Variants in CNTNAP5 observed in about 807,000 individuals in gnomAD.
CNTNAP5 encodes the protein contactin associated protein family member 5.
A neutral mutation model predicts 150.2 loss-of-function variants in CNTNAP5; 72 were observed. That is an observed-to-expected ratio of 0.48 (90% CI 0.40 to 0.58). The LOEUF (loss-of-function observed/expected upper bound fraction) is 0.58, where lower values mean the gene tolerates loss of function less well. Ranked by LOEUF, CNTNAP5 falls within the 20% of genes least tolerant of loss-of-function variation. The pLI is 0.00. For missense variants in CNTNAP5, 1,636 were observed against 1,626.2 expected, an observed-to-expected ratio of 1.01 and a Z score of -0.10; for synonymous variants, 672 against 619.8, an observed-to-expected ratio of 1.08 and a Z score of -1.25.
At chr2:124,659,173 T>G (rs1001791355) in intron 13 of CNTNAP5, among the ~76,000 whole-genome samples, 1 of 152,216 alleles carries the variant, frequency 6.6e-6, no homozygotes, top group Non-Finnish European at 1.5e-5. Context: ...TCTTCATAAC[T>G]TTTTAGTTTA....
chr2:124,535,559 C>T (rs559928288), intron 10 of CNTNAP5, among the ~76,000 whole-genome samples: 3 of 146,372 alleles, frequency 2.0e-5, no homozygotes, highest in South Asian at 2.1e-4. Flanking sequence ...GTCAGGACAT[C>T]GAGACCATCC....
chr2:124,869,957 C>T (rs1384401087), intron 21 of CNTNAP5, among the ~76,000 whole-genome samples, 195 bp downstream of exon 21: 1 of 152,054 alleles, frequency 6.6e-6, no homozygotes, highest in East Asian at 1.9e-4. Context: ...TTTCTATCTA[C>T]TTTATAAAAA....
At chr2:124,718,208 T>C (rs768192583) in intron 13 of CNTNAP5, among the ~76,000 whole-genome samples, 5 of 152,128 alleles carry the variant, frequency 3.3e-5, no homozygotes, top group Non-Finnish European at 5.9e-5. Flanking sequence ...ATAAAAAATA[T>C]AAAAATACAA....
chr2:124,688,648 A>G (rs1430390811), intron 13 of CNTNAP5, among the ~76,000 whole-genome samples: 4 of 152,124 alleles, frequency 2.6e-5, no homozygotes, highest in Non-Finnish European at 5.9e-5. Flanking sequence ...ACTCGGGGAC[A>G]TGCAGTTAGC....
chr2:124,803,950 C>G (rs926539997), intron 19 of CNTNAP5, among the ~76,000 whole-genome samples: 1 of 152,090 alleles, frequency 6.6e-6, no homozygotes, highest in Admixed American at 6.6e-5. Context: ...AGCAAGAATC[C>G]TGATAAACAG....
At chr2:124,044,494 C>T (rs1156987668) in intron 1 of CNTNAP5, among the ~76,000 whole-genome samples, 1 of 152,110 alleles carries the variant, frequency 6.6e-6, no homozygotes, top group African/African-American at 2.4e-5. Context: ...ATTTTTAGAA[C>T]ACCAATTCTA....
chr2:124,737,705 G>A (rs555298895), intron 13 of CNTNAP5, among the ~76,000 whole-genome samples: 72 of 152,228 alleles, frequency 4.7e-4, no homozygotes, highest in African/African-American at 1.5e-3. Context: ...TTTGGAGGAT[G>A]GAACAAAAAT....
At chr2:124,444,166 C>G (rs1692746687) in intron 5 of CNTNAP5, among the ~76,000 whole-genome samples, 1 of 152,078 alleles carries the variant, frequency 6.6e-6, no homozygotes, top group African/African-American at 2.4e-5. Context: ...CTCATAATTA[C>G]TTGGATACCA....
chr2:124,911,602 A>C (rs763214430), intron 23 of CNTNAP5, 64 bp downstream of exon 23: 5 of 1,306,896 alleles, frequency 3.8e-6, no homozygotes, highest in Non-Finnish European at 5.4e-6. Context: ...GGAGAAAGTT[A>C]TCTGAAGCTT....
At chr2:124,249,372 G>A (rs1054212979) in intron 3 of CNTNAP5, among the ~76,000 whole-genome samples, 1 of 152,130 alleles carries the variant, frequency 6.6e-6, no homozygotes, top group Non-Finnish European at 1.5e-5. Flanking sequence ...TAAGAGCCAG[G>A]CACCCTTTTA....
At chr2:124,193,240 T>C (rs1685500757) in intron 1 of CNTNAP5, among the ~76,000 whole-genome samples, 1 of 152,216 alleles carries the variant, frequency 6.6e-6, no homozygotes, top group South Asian at 2.1e-4. Context: ...CAAGGTCACA[T>C]TTACAGGTAC....
At chr2:124,129,625 A>G (rs569828571) in intron 1 of CNTNAP5, among the ~76,000 whole-genome samples, 45 of 152,318 alleles carry the variant, frequency 3.0e-4, no homozygotes, top group Middle Eastern at 3.4e-3. Context: ...ATTCTCTGTT[A>G]AAGATGGTAT....
At chr2:124,257,549 C>G (rs1687342507) in intron 3 of CNTNAP5, among the ~76,000 whole-genome samples, 1 of 152,172 alleles carries the variant, frequency 6.6e-6, no homozygotes, top group African/African-American at 2.4e-5. Flanking sequence ...GTAAATTCTT[C>G]CTCATCTTTC....
intron 21 of CNTNAP5, among the ~76,000 whole-genome samples, chr2:124,879,158 C>A (rs922210060): frequency 2.6e-5 from 4 of 152,028 alleles, no homozygotes; most frequent in Non-Finnish European, 5.9e-5. Flanking sequence ...TTAAACACCC[C>A]AGACATTACC....
chr2:124,349,942 C>T (rs1573933243), intron 3 of CNTNAP5, among the ~76,000 whole-genome samples: 5 of 120,560 alleles, frequency 4.1e-5, no homozygotes, highest in South Asian at 2.9e-4. Flanking sequence ...TGGAGTGCAA[C>T]GGCGCGATCT....
Position 124,120,609 on chromosome 2 carries a change from C to G in CNTNAP5, c.82+94877C>G, listed in dbSNP as rs78204503. Among the ~76,000 whole-genome samples, 3 of 152,224 alleles carry G rather than the reference C, an allele frequency of 2.0e-5. No homozygotes were observed. The East Asian group carries it at 5.8e-4, about 29-fold the overall frequency. ...GGTGCAGAACAGTTATTCAACCTGT[C>G]CCAACCAACCAACCAAACCACGTAA... On this transcript the variant is annotated intron_variant, in intron 1 of 23. Coordinates refer to ENST00000682447, the MANE Select transcript of CNTNAP5 (RefSeq NM_001367498.1).
chr2:124,262,117 C>T (rs910624461), intron 3 of CNTNAP5, among the ~76,000 whole-genome samples: 1 of 151,818 alleles, frequency 6.6e-6, no homozygotes, highest in Admixed American at 6.6e-5. Context: ...TGGTGGCATG[C>T]ACCTGTAGTC....
chr2:124,510,127 G>T (rs1694523259), intron 8 of CNTNAP5, among the ~76,000 whole-genome samples: 1 of 151,604 alleles, frequency 6.6e-6, no homozygotes. Context: ...AGAATCACTT[G>T]AACCCAGGAG....
rs565704868 is a variant in CNTNAP5 at position 124,598,800 on chromosome 2, C to A, written c.1757-11001C>A. ...GCTGTCCTAGCAATCAGCGAGATTC[C>A]GTGGGCATAGGACCCTCCGAGCCAG... On this transcript the variant is annotated intron_variant, in intron 11 of 23. Transcript: ENST00000682447. Among the ~76,000 whole-genome samples the A allele has an allele frequency of 6.6e-5, 10 of 152,284 alleles. No homozygotes were observed. The South Asian group carries it at 1.9e-3, about 28-fold the overall frequency.
Sources: allele counts gnomAD v4.1 joint callset (sites outside exome capture counted in the v4.1 genomes callset), GRCh38; gene constraint gnomAD v4.1.1; transcripts MANE v1.5; gene names NCBI Gene and HGNC (gene_info 2026-07-23, HGNC 2026-07-21).